Variants in ZMYM2 observed in about 807,000 individuals in gnomAD.
ZMYM2 encodes the protein zinc finger MYM-type protein 2.
ZMYM2 carries 56 observed loss-of-function variants against 162.8 expected under a neutral mutation model. The ratio of observed to expected loss-of-function variants is 0.34; its 90% confidence interval spans 0.28 to 0.43. The LOEUF is 0.43. Among genes scored for constraint, ZMYM2 ranks in the 20% least tolerant of loss-of-function variants. The pLI, the probability that ZMYM2 is intolerant of heterozygous loss-of-function variation, is 1.00. For synonymous variants in ZMYM2, 510 were observed against 541.6 expected (o/e 0.94, Z 0.81); for missense variants, 1,275 against 1,621.8 (o/e 0.79, Z 3.67).
At chr13:19,891,814 T>C in the ZMYM2 span, among the ~76,000 whole-genome samples, 1 of 151,746 alleles carries the variant, frequency 6.6e-6, no homozygotes, top group African/African-American at 2.4e-5. Flanking sequence ...AACCCTAAGG[T>C]TATGATTTTA....
chr13:19,896,176 C>G, the ZMYM2 span, among the ~76,000 whole-genome samples: 1 of 151,430 alleles, frequency 6.6e-6, no homozygotes, highest in African/African-American at 2.4e-5. Context: ...TGAATGTCCC[C>G]TCTGTTGCCC....
At chr13:20,078,456 A>T (rs1957671663) in intron 21 of ZMYM2, among the ~76,000 whole-genome samples, 1 of 152,212 alleles carries the variant, frequency 6.6e-6, no homozygotes, top group East Asian at 1.9e-4. Context: ...ACATTTGACC[A>T]TATGTTTGTC....
chr13:19,882,175 C>T, the ZMYM2 span, among the ~76,000 whole-genome samples: 13 of 152,024 alleles, frequency 8.6e-5, no homozygotes, highest in African/African-American at 1.2e-4. Flanking sequence ...AATAATAAAT[C>T]AGACTTCATC....
intron 12 of ZMYM2, among the ~76,000 whole-genome samples, chr13:20,040,486 T>C (rs1184921157): frequency 1.3e-5 from 2 of 152,134 alleles, no homozygotes; most frequent in African/African-American, 4.8e-5. Context: ...TCTCTTTTCT[T>C]TATTAGTCTA....
intron 10 of ZMYM2, 76 bp from the exon 11 acceptor site, chr13:20,034,178 T>A (rs259806): frequency 0.061 from 77,137 of 1,265,020 alleles, 3,630 homozygotes; most frequent in African/African-American, 0.21. Flanking sequence ...GATTTAACTT[T>A]GCTTCTGTAA....
At chr13:19,940,161 TCTAATAC>T in the ZMYM2 span, among the ~76,000 whole-genome samples, 1 of 152,174 alleles carries the variant, frequency 6.6e-6, no homozygotes. Flanking sequence ...CCCATTGATG[TCTAATAC>T]CTAATTTTAA....
chr13:19,885,918 C>CATATATATGTGT, the ZMYM2 span, among the ~76,000 whole-genome samples: 4 of 47,444 alleles, frequency 8.4e-5, 2 homozygotes, highest in South Asian at 2.2e-3. Flanking sequence ...TGTATATACA[C>CATATATATGTGT]ATATATATGT....
rs1951045192 is a variant in ZMYM2, at chr13:20,010,032, A to G, written c.1512+3446A>G. Among the ~76,000 whole-genome samples, 5 of 152,316 alleles carry G rather than the reference A, an allele frequency of 3.3e-5. No individual in the cohort carries two copies. The South Asian group carries it at 8.3e-4, about 25-fold the overall frequency. ...TTTTATGTTCTCAGCAGCAATGTAC[A>G]AGGCTTCTGTTTTCTCTATATCTTT... On this transcript the variant is annotated intron_variant, in intron 6 of 24. Coordinates refer to ENST00000610343, the MANE Select transcript of ZMYM2 (RefSeq NM_197968.4).
In ZMYM2 at chr13:20,019,573, G is replaced by A. The variant is rs890250432; in HGVS notation, c.1539G>A (p.Lys513=). 5.2e-5 allele frequency: 83 copies of A among 1,595,524 alleles called. No homozygotes were observed. The highest frequency in any genetic ancestry group is 7.1e-5 in the Non-Finnish European group (83 of 1,170,512). ...KQVGSHPSFL[K]EVRDHMQDSF... ...TAGGTAGCCATCCAAGCTTCCTGAA[G>A]GAGGTTCGAGATCACATGCAGGACT... Residue 513 remains lysine, a synonymous_variant, in exon 7 of 25, where the codon AAG becomes AAA. Transcript: ENST00000610343.
the ZMYM2 span, among the ~76,000 whole-genome samples, chr13:19,897,114 G>T: frequency 6.6e-6 from 1 of 150,580 alleles, no homozygotes; most frequent in African/African-American, 2.4e-5. Flanking sequence ...TATTCATAGA[G>T]ATAGGAAGTA....
the ZMYM2 span, among the ~76,000 whole-genome samples, chr13:19,900,547 C>T: frequency 3.9e-5 from 6 of 152,228 alleles, no homozygotes; most frequent in African/African-American, 1.4e-4. Flanking sequence ...ACTTGATAAA[C>T]TCTTCCAAGG....
At chr13:20,005,588 C>G (rs866233435) in intron 5 of ZMYM2, among the ~76,000 whole-genome samples, 12 of 152,190 alleles carry the variant, frequency 7.9e-5, no homozygotes, top group South Asian at 4.1e-4. Context: ...ACAAGAAATA[C>G]TACAAATAAT....
chr13:20,014,228 C>T (rs1594361872), intron 6 of ZMYM2, among the ~76,000 whole-genome samples: 1 of 152,104 alleles, frequency 6.6e-6, no homozygotes, highest in Non-Finnish European at 1.5e-5. Flanking sequence ...CGCCTGCCAC[C>T]ACGCCCAGCT....
At chr13:19,866,508 G>A in the ZMYM2 span, among the ~76,000 whole-genome samples, 339 of 151,806 alleles carry the variant, frequency 2.2e-3, no homozygotes, top group African/African-American at 8.0e-3. Flanking sequence ...CCTACTAAAA[G>A]TACAAAAGTA....
chr13:20,026,526 A>G (rs1952596707), intron 7 of ZMYM2, 86 bp from the exon 8 acceptor site: 1 of 1,349,332 alleles, frequency 7.4e-7, no homozygotes, highest in Non-Finnish European at 9.9e-7. Flanking sequence ...TGTTTTGCAG[A>G]GGCAAAAAGT....
chr13:19,872,947 C>T, the ZMYM2 span, among the ~76,000 whole-genome samples: 2 of 151,990 alleles, frequency 1.3e-5, no homozygotes, highest in Admixed American at 6.6e-5. Flanking sequence ...TTGCAGTGAG[C>T]CAAGATCACG....
Position 20,069,561 on chromosome 13 carries a change from G to A in ZMYM2, c.3453+2171G>A, listed in dbSNP as rs867354545. Among the ~76,000 whole-genome samples, 27 of 150,778 alleles carry A rather than the reference G, an allele frequency of 1.8e-4. No individual in the cohort carries two copies. In the South Asian group the frequency reaches 2.1e-3, roughly 12 times the overall value. ...TAAATGCTTATTGAATTTTGTCAAC[G>A]CCTTTTTCTGCATCTATTAAGATAC... On this transcript the variant is annotated intron_variant, in intron 21 of 24. Coordinates refer to ENST00000610343, the MANE Select transcript of ZMYM2 (RefSeq NM_197968.4).
At chr13:19,886,808 C>A in the ZMYM2 span, among the ~76,000 whole-genome samples, 1 of 151,606 alleles carries the variant, frequency 6.6e-6, no homozygotes, top group East Asian at 1.9e-4. Flanking sequence ...CACCACCATG[C>A]CCGGTTAATT....
the ZMYM2 span, among the ~76,000 whole-genome samples, chr13:19,916,758 T>C: frequency 6.6e-6 from 1 of 152,016 alleles, no homozygotes; most frequent in Non-Finnish European, 1.5e-5. Context: ...AAATACCTAA[T>C]GTAAATGACG....
Sources: gnomAD v4.1 joint callset for allele counts (sites outside exome capture counted in the v4.1 genomes callset) on GRCh38, gnomAD v4.1.1 for gene constraint, MANE v1.5 for transcripts, NCBI Gene and HGNC (gene_info 2026-07-23, HGNC 2026-07-21) for gene names.